Variants in DHX35 observed in about 807,000 individuals in gnomAD.
The protein encoded by DHX35 is DEAH-box helicase 35, also known as probable ATP-dependent RNA helicase DHX35.
DHX35 carries 84 observed loss-of-function variants against 99.6 expected under a neutral mutation model. The ratio of observed to expected loss-of-function variants is 0.84; its 90% CI spans 0.71 to 1.01. The LOEUF (loss-of-function observed/expected upper bound fraction) is 1.01, where lower values mean the gene tolerates loss of function less well. Among genes scored for constraint, DHX35 ranks in the 50% least tolerant of loss-of-function variants. The pLI is 0.00. For synonymous variants in DHX35, 331 were observed against 316.2 expected (o/e 1.05, Z -0.50); for missense variants, 852 against 888.5 (o/e 0.96, Z 0.52).
intron 1 of DHX35, 92 bp downstream of exon 1, chr20:38,962,499 G>T: frequency 6.7e-7 from 1 of 1,500,636 alleles, no homozygotes; most frequent in Non-Finnish European, 9.0e-7. Context: ...AGACCTGCTC[G>T]CAGGCCTGAC....
rs1366148274 is a variant in DHX35, at chr20:39,014,880, C to T, written c.1348C>T (p.Pro450Ser). ...AGGAAGATTTTTATGTTTTTTCCAG[C>T]CCCCTCCAGCACAGTCGATGGTTCA... ...DNVLRFHFMS[P>S]PPAQSMVQAL... The change falls in exon 14 of 22, where the codon CCC (proline) becomes TCC (serine). Residue 450 changes from proline (P) to serine (S), a missense_variant and splice_region_variant. By Grantham distance (74) the Pro-to-Ser change is moderately conservative (BLOSUM62 -1). Transcript: ENST00000252011. 1 of 1,614,102 alleles carries T rather than the reference C, an allele frequency of 6.2e-7. No individual in the cohort carries two copies. The highest frequency in any genetic ancestry group is 8.5e-7 in the Non-Finnish European group (1 of 1,180,002).
chr20:39,024,188 A>G (rs926339258), intron 17 of DHX35, among the ~76,000 whole-genome samples: 1 of 152,244 alleles, frequency 6.6e-6, no homozygotes, highest in South Asian at 2.1e-4. Flanking sequence ...ATGAGAAGAC[A>G]TTTAGTTGAG....
chr20:38,977,358 TTATTTCGTA>T (rs1326771599), intron 3 of DHX35, among the ~76,000 whole-genome samples: 1 of 152,232 alleles, frequency 6.6e-6, no homozygotes, highest in African/African-American at 2.4e-5. Flanking sequence ...ATGTTGAGCA[TTATTTCGTA>T]TATATGAAAT....
intron 1 of DHX35, chr20:38,962,852 G>T (rs986560597): frequency 6.7e-5 from 12 of 179,650 alleles, no homozygotes; most frequent in African/African-American, 2.8e-4. Flanking sequence ...TTGTAGTAGG[G>T]TGACCTTGGG....
intron 16 of DHX35, among the ~76,000 whole-genome samples, chr20:39,022,331 G>C (rs974561046): frequency 3.3e-5 from 5 of 151,942 alleles, no homozygotes; most frequent in African/African-American, 1.2e-4. Flanking sequence ...GCTAATTTTT[G>C]TATTTTTAGT....
intron 14 of DHX35, among the ~76,000 whole-genome samples, chr20:39,016,510 G>A (rs1390099992): frequency 6.6e-6 from 1 of 152,158 alleles, no homozygotes; most frequent in African/African-American, 2.4e-5. Context: ...CTGTTGTATG[G>A]ATATACCACA....
intron 12 of DHX35, among the ~76,000 whole-genome samples, chr20:39,007,416 G>A (rs913161065): frequency 6.6e-6 from 1 of 152,198 alleles, no homozygotes; most frequent in Admixed American, 6.5e-5. Flanking sequence ...AGAATCGGGA[G>A]CCTTGGAAGC....
At chr20:38,964,980 A>C (rs1011320863) in intron 1 of DHX35, among the ~76,000 whole-genome samples, 1 of 152,208 alleles carries the variant, frequency 6.6e-6, no homozygotes, top group Non-Finnish European at 1.5e-5. Flanking sequence ...TGTCTAGGTT[A>C]GTGATTCTCT....
intron 1 of DHX35, among the ~76,000 whole-genome samples, chr20:38,965,883 A>G (rs1436345052): frequency 1.3e-5 from 2 of 152,200 alleles, no homozygotes; most frequent in Admixed American, 6.5e-5. Context: ...TAAATATTTC[A>G]TGATTGTTGA....
At chr20:38,990,095 T>C (rs1362843225) in intron 5 of DHX35, among the ~76,000 whole-genome samples, 2 of 152,218 alleles carry the variant, frequency 1.3e-5, no homozygotes, top group African/African-American at 4.8e-5. Flanking sequence ...CCATCAAATA[T>C]ATTTGAACTA....
intron 12 of DHX35, among the ~76,000 whole-genome samples, chr20:39,008,033 T>TA (rs548521107): frequency 2.4e-3 from 359 of 152,382 alleles, no homozygotes; most frequent in Non-Finnish European, 3.1e-3. Flanking sequence ...CCTTATGCTT[T>TA]AAGCAGTTTC....
chr20:39,006,626 A>G (rs1256567213), intron 12 of DHX35, among the ~76,000 whole-genome samples: 1 of 152,072 alleles, frequency 6.6e-6, no homozygotes, highest in Non-Finnish European at 1.5e-5. Context: ...CTGTGTAGCC[A>G]TTTGTCCCTA....
chr20:39,015,048 C>A, intron 14 of DHX35, 114 bp downstream of exon 14: 1 of 1,193,360 alleles, frequency 8.4e-7, no homozygotes, highest in South Asian at 1.3e-5. Context: ...TTGGTTCTCC[C>A]CATATATATA....
intron 17 of DHX35, 114 bp downstream of exon 17, chr20:39,023,881 A>T: frequency 1.2e-6 from 1 of 846,022 alleles, no homozygotes; most frequent in Non-Finnish European, 1.8e-6. Context: ...AGAGCCCTTG[A>T]TTTTCCTGTT....
intron 13 of DHX35, 137 bp from the exon 14 acceptor site, chr20:39,014,743 C>T: frequency 2.8e-6 from 3 of 1,060,602 alleles, no homozygotes; most frequent in Admixed American, 3.8e-5. Flanking sequence ...GAGGTGCCAA[C>T]AGCAAGAACA....
chr20:38,972,296 C>T (rs1568714757), intron 2 of DHX35, among the ~76,000 whole-genome samples: 1 of 151,730 alleles, frequency 6.6e-6, no homozygotes, highest in East Asian at 1.9e-4. Context: ...CAGGCGTGAG[C>T]CACCTCACCC....
intron 4 of DHX35, among the ~76,000 whole-genome samples, chr20:38,987,850 C>T (rs985397224): frequency 2.0e-5 from 3 of 152,018 alleles, no homozygotes; most frequent in African/African-American, 7.2e-5. Flanking sequence ...TGTTTTAAAC[C>T]TGAGTTTGTC....
intron 12 of DHX35, among the ~76,000 whole-genome samples, chr20:39,009,049 T>G (rs1211692931): frequency 6.6e-6 from 1 of 152,178 alleles, no homozygotes; most frequent in African/African-American, 2.4e-5. Flanking sequence ...CTCCTACAGC[T>G]TCTGGCCCCA....
intron 21 of DHX35, 64 bp downstream of exon 21, chr20:39,034,381 A>G: frequency 3.6e-6 from 5 of 1,396,278 alleles, no homozygotes; most frequent in Non-Finnish European, 5.1e-6. Flanking sequence ...TTTTAAATGT[A>G]CTTTTTTTCT....
Sources: gnomAD v4.1 joint callset for allele counts (sites outside exome capture counted in the v4.1 genomes callset) on GRCh38, gnomAD v4.1.1 for gene constraint, MANE v1.5 for transcripts, NCBI Gene and HGNC (gene_info 2026-07-23, HGNC 2026-07-21) for gene names.